The following TLL2 variants were observed in gnomAD, a reference collection of about 807,000 sequenced individuals.
The protein encoded by TLL2 is tolloid like 2, also known as tolloid-like protein 2.
TLL2 carries 106 observed loss-of-function variants against 123.0 expected under a neutral mutation model. That is an observed-to-expected ratio of 0.86 (90% CI 0.74 to 1.01). The LOEUF is 1.01. Ranked by LOEUF, TLL2 falls within the 50% of genes least tolerant of loss-of-function variation. TLL2 has a pLI of 0.00. For missense variants in TLL2, 1,332 were observed against 1,336.7 expected, an observed-to-expected ratio of 1.00 and a Z score of 0.06; for synonymous variants, 494 against 516.8, an observed-to-expected ratio of 0.96 and a Z score of 0.60.
chr10:96,497,550 G>A (rs1847489375), intron 1 of TLL2, among the ~76,000 whole-genome samples: 1 of 152,106 alleles, frequency 6.6e-6, no homozygotes, highest in Admixed American at 6.5e-5. Flanking sequence ...GAGGAGAGAG[G>A]CTGTGCATTT....
chr10:96,457,871 A>C (rs1231412734), intron 2 of TLL2, among the ~76,000 whole-genome samples: 1 of 152,222 alleles, frequency 6.6e-6, no homozygotes, highest in East Asian at 1.9e-4. Flanking sequence ...TAAACTTCTC[A>C]GCCTCCATTT....
chr10:96,394,947 T>C (rs1334162571), intron 13 of TLL2, among the ~76,000 whole-genome samples: 1 of 152,234 alleles, frequency 6.6e-6, no homozygotes, highest in African/African-American at 2.4e-5. Context: ...CTTGTAAACT[T>C]ATTAGATCTA....
chr10:96,380,550 G>A (rs934691453), intron 16 of TLL2, among the ~76,000 whole-genome samples: 10 of 151,676 alleles, frequency 6.6e-5, no homozygotes, highest in South Asian at 2.1e-4. Context: ...ATAATTAGCC[G>A]GGCGTGGTGG....
At chr10:96,370,005 C>G in intron 20 of TLL2, 60 bp downstream of exon 20, 1 of 1,492,666 alleles carries the variant, frequency 6.7e-7, no homozygotes. Context: ...GTGTCTGACT[C>G]CACAACTCCT....
chr10:96,501,643 C>A lies in TLL2; in HGVS notation c.175+11868G>T, dbSNP rs147122144. ...CAGAGTAAATCTCCAACTCCAGACACATCACAAACATTCCTCACCTTTGCT... is the reference window on the plus strand; with the variant it reads ...CAGAGTAAATCTCCAACTCCAGACAAATCACAAACATTCCTCACCTTTGCT... On this transcript the variant is annotated intron_variant, in intron 1 of 20. Coordinates refer to ENST00000357947, the MANE Select transcript of TLL2 (RefSeq NM_012465.4). Among the ~76,000 whole-genome samples the A allele has an allele frequency of 2.3e-3, 350 of 152,380 alleles. 5 individuals are homozygous for A. The highest frequency in any genetic ancestry group is 5.3e-4 in the Non-Finnish European group (36 of 68,038).
At chr10:96,398,380 C>T (rs1484106897) in intron 10 of TLL2, among the ~76,000 whole-genome samples, 3 of 152,148 alleles carry the variant, frequency 2.0e-5, no homozygotes, top group African/African-American at 4.8e-5. Flanking sequence ...AGATGCCCCC[C>T]GCCACCACCA....
At chr10:96,488,253 C>T (rs957280805) in intron 1 of TLL2, among the ~76,000 whole-genome samples, 1 of 152,178 alleles carries the variant, frequency 6.6e-6, no homozygotes, top group Non-Finnish European at 1.5e-5. Flanking sequence ...AGCTAAGAGA[C>T]GTTTTTACAG....
chr10:96,482,360 T>C (rs1847319888), intron 1 of TLL2, among the ~76,000 whole-genome samples: 1 of 152,168 alleles, frequency 6.6e-6, no homozygotes, highest in South Asian at 2.1e-4. Flanking sequence ...CACATGTTCA[T>C]ACAAAGACAT....
In TLL2 at chr10:96,499,330, CG is replaced by C. The variant is rs1176994913; in HGVS notation, c.175+14180del. Reference sequence around the variant, plus strand: ...CTCTTAAGAAGTCAGAATTTCAGCCCGGGATGGGTGGAGGTGGGGGTGGCTT... The same window carrying C: ...CTCTTAAGAAGTCAGAATTTCAGCCCGGATGGGTGGAGGTGGGGGTGGCTT... On this transcript the variant is annotated intron_variant, in intron 1 of 20. Transcript: ENST00000357947. 2.0e-5 allele frequency among the ~76,000 whole-genome samples: 3 copies of C among 152,290 alleles called. No individual in the cohort carries two copies. In the East Asian group the frequency reaches 5.8e-4, roughly 29 times the overall value.
chr10:96,414,301 T>C (rs1440808006), intron 7 of TLL2, among the ~76,000 whole-genome samples: 1 of 152,150 alleles, frequency 6.6e-6, no homozygotes, highest in East Asian at 1.9e-4. Context: ...CTATAAAGTA[T>C]TGTCTCCATT....
intron 1 of TLL2, among the ~76,000 whole-genome samples, chr10:96,492,148 C>T (rs1364778482): frequency 6.6e-6 from 1 of 151,644 alleles, no homozygotes; most frequent in Non-Finnish European, 1.5e-5. Flanking sequence ...CGAATGCCCT[C>T]TACATATTAC....
At chr10:96,428,966 G>T (rs111336391) in intron 4 of TLL2, among the ~76,000 whole-genome samples, 1 of 151,956 alleles carries the variant, frequency 6.6e-6, no homozygotes, top group African/African-American at 2.4e-5. Context: ...CACCACGCCC[G>T]GCTAATTTTG....
chr10:96,443,817 T>C (rs1846871232), intron 3 of TLL2, among the ~76,000 whole-genome samples: 1 of 152,190 alleles, frequency 6.6e-6, no homozygotes, highest in Non-Finnish European at 1.5e-5. Flanking sequence ...CAAAAACTTA[T>C]AAGTCAAAAT....
At chr10:96,465,767 G>C (rs144970702) in intron 2 of TLL2, among the ~76,000 whole-genome samples, 7 of 152,290 alleles carry the variant, frequency 4.6e-5, no homozygotes, top group Non-Finnish European at 7.4e-5. Context: ...GAACGGGGTT[G>C]GGTGTGAAGA....
At chr10:96,403,505 T>C (rs1392692105) in intron 10 of TLL2, among the ~76,000 whole-genome samples, 1 of 152,212 alleles carries the variant, frequency 6.6e-6, no homozygotes, top group Non-Finnish European at 1.5e-5. Context: ...AGGACATGCC[T>C]TGTTAACAAA....
intron 5 of TLL2, among the ~76,000 whole-genome samples, chr10:96,424,234 T>A (rs1047420166): frequency 1.3e-5 from 2 of 152,082 alleles, no homozygotes; most frequent in Admixed American, 1.3e-4. Context: ...ATGAATAAGA[T>A]ATACTATTTG....
chr10:96,431,466 A>G (rs1352140935), intron 4 of TLL2, among the ~76,000 whole-genome samples: 3 of 152,292 alleles, frequency 2.0e-5, no homozygotes, highest in Admixed American at 6.5e-5. Context: ...CTCTCAGAGT[A>G]GAGGTCACAG....
At chr10:96,479,240 A>C (rs759687612) in intron 2 of TLL2, among the ~76,000 whole-genome samples, 3 of 152,234 alleles carry the variant, frequency 2.0e-5, no homozygotes, top group Non-Finnish European at 4.4e-5. Context: ...CCTAAAGTAC[A>C]TAATTGCCCC....
At chr10:96,407,335 G>C (rs190751175) in intron 9 of TLL2, among the ~76,000 whole-genome samples, 6 of 152,060 alleles carry the variant, frequency 3.9e-5, no homozygotes, top group Non-Finnish European at 7.4e-5. Context: ...TCTTTGGAAC[G>C]CCCCACCCTC....
Sources: gnomAD v4.1 joint callset for allele counts (sites outside exome capture counted in the v4.1 genomes callset) on GRCh38, gnomAD v4.1.1 for gene constraint, MANE v1.5 for transcripts, NCBI Gene and HGNC (gene_info 2026-07-23, HGNC 2026-07-21) for gene names.